SLC14A2: variants seen among roughly 807,000 people sequenced by gnomAD.
SLC14A2 encodes solute carrier family 14 member 2.
SLC14A2 carries 91 observed loss-of-function variants against 104.6 expected under a neutral mutation model. The observed-to-expected ratio is 0.87, with a 90% confidence interval of 0.73 to 1.04. The LOEUF is 1.04. Ranked by LOEUF, SLC14A2 falls within the 50% of genes least tolerant of loss-of-function variation. The pLI is 0.00. For synonymous variants in SLC14A2, 476 were observed against 466.4 expected (o/e 1.02, Z -0.27); for missense variants, 1,189 against 1,156.0 (o/e 1.03, Z -0.41).
chr18:45,485,445 TG>T (rs1230396994), intron 2 of SLC14A2: 1 of 152,186 alleles, frequency 6.6e-6, no homozygotes, highest in Non-Finnish European at 1.5e-5. Flanking sequence ...TAATTGCACC[TG>T]GGTTGGTGAG....
At chr18:45,306,677 C>T (rs1395192264) in intron 1 of SLC14A2, among the ~76,000 whole-genome samples, 1 of 152,174 alleles carries the variant, frequency 6.6e-6, no homozygotes, top group Non-Finnish European at 1.5e-5. Context: ...TAGAAGAGTC[C>T]AGAGCCGAGG....
chr18:45,346,935 C>A (rs1052769189), intron 1 of SLC14A2, among the ~76,000 whole-genome samples: 2 of 151,020 alleles, frequency 1.3e-5, no homozygotes, highest in African/African-American at 4.9e-5. Flanking sequence ...GCACTGCACT[C>A]CAGCCTGGGC....
At chr18:45,432,896 A>G (rs2086539212) in intron 1 of SLC14A2, among the ~76,000 whole-genome samples, 1 of 152,186 alleles carries the variant, frequency 6.6e-6, no homozygotes, top group Admixed American at 6.6e-5. Flanking sequence ...TCCATGTATT[A>G]GCAAATCCTT....
chr18:45,513,998 T>C (rs1460935621), intron 2 of SLC14A2, among the ~76,000 whole-genome samples: 3 of 152,202 alleles, frequency 2.0e-5, no homozygotes, highest in Non-Finnish European at 4.4e-5. Context: ...CCTTTCTAAC[T>C]TACAGTTGCT....
intron 1 of SLC14A2, among the ~76,000 whole-genome samples, chr18:45,337,392 G>T (rs1398337574): frequency 6.6e-6 from 1 of 152,206 alleles, no homozygotes; most frequent in Non-Finnish European, 1.5e-5. Context: ...TTACCAAGTA[G>T]TTAGCCCTCC....
At chr18:45,328,988 G>A (rs72906677) in intron 1 of SLC14A2, among the ~76,000 whole-genome samples, 2,931 of 152,242 alleles carry the variant, frequency 0.019, 57 homozygotes, top group East Asian at 0.092. Context: ...TGTTTCCAAA[G>A]CCGACCAGCA....
intron 10 of SLC14A2, among the ~76,000 whole-genome samples, chr18:45,653,573 C>T (rs955036013): frequency 6.6e-6 from 1 of 152,120 alleles, no homozygotes; most frequent in South Asian, 2.1e-4. Context: ...TCCCCAAACT[C>T]CAGGCCCCCA....
the SLC14A2 span, among the ~76,000 whole-genome samples, chr18:45,173,512 T>G: frequency 6.6e-6 from 1 of 150,498 alleles, no homozygotes. Flanking sequence ...AAAAACTTAC[T>G]GGATGGAAGT....
chr18:45,487,109 A>G (rs2087621679), intron 2 of SLC14A2, among the ~76,000 whole-genome samples: 1 of 152,228 alleles, frequency 6.6e-6, no homozygotes, highest in Non-Finnish European at 1.5e-5. Context: ...CAAGGGTCAC[A>G]CTGGACTAAA....
chr18:45,331,154 G>A (rs988048823), intron 1 of SLC14A2, among the ~76,000 whole-genome samples: 2 of 152,118 alleles, frequency 1.3e-5, no homozygotes, highest in African/African-American at 4.8e-5. Flanking sequence ...GTACTGCATC[G>A]ATGTTCAGGC....
At chr18:45,623,365 TAA>T (rs1168506834) in intron 1 of SLC14A2, among the ~76,000 whole-genome samples, 2 of 152,202 alleles carry the variant, frequency 1.3e-5, no homozygotes, top group African/African-American at 4.8e-5. Context: ...CGAAGCTGCT[TAA>T]AGTTACTGGA....
intron 2 of SLC14A2, among the ~76,000 whole-genome samples, chr18:45,534,325 G>T (rs879446702): frequency 1.3e-5 from 2 of 152,050 alleles, no homozygotes; most frequent in African/African-American, 2.4e-5. Flanking sequence ...AACACACAAA[G>T]ACTAACTCTC....
chr18:45,437,525 T>C (rs552482034), intron 1 of SLC14A2, among the ~76,000 whole-genome samples: 2 of 152,222 alleles, frequency 1.3e-5, no homozygotes, highest in Admixed American at 1.3e-4. Flanking sequence ...GAGTGGCCCA[T>C]CCGCTCCAGC....
At chr18:45,338,257 G>C (rs1213475317) in intron 1 of SLC14A2, among the ~76,000 whole-genome samples, 1 of 152,086 alleles carries the variant, frequency 6.6e-6, no homozygotes, top group African/African-American at 2.4e-5. Context: ...CTGGAGTGCA[G>C]TGTCGTGATC....
intron 1 of SLC14A2, among the ~76,000 whole-genome samples, chr18:45,389,309 A>G (rs1346663167): frequency 1.3e-5 from 2 of 152,332 alleles, no homozygotes; most frequent in Non-Finnish European, 2.9e-5. Context: ...TAATTTCTCT[A>G]TCTCATAAAT....
chr18:45,576,004 G>T (rs2044413709), intron 2 of SLC14A2, among the ~76,000 whole-genome samples: 1 of 152,066 alleles, frequency 6.6e-6, no homozygotes, highest in Non-Finnish European at 1.5e-5. Flanking sequence ...CAAATTTTAA[G>T]AATTAAATGA....
chr18:45,516,868 T>C (rs2043448943), intron 2 of SLC14A2, among the ~76,000 whole-genome samples: 2 of 152,234 alleles, frequency 1.3e-5, no homozygotes, highest in African/African-American at 4.8e-5. Context: ...CACACTGCTC[T>C]GTGAAGAAAT....
the SLC14A2 span, among the ~76,000 whole-genome samples, chr18:45,179,416 T>C: frequency 2.0e-5 from 3 of 152,188 alleles, no homozygotes. Context: ...GAACATGCCT[T>C]CAGAGTCTCA....
chr18:45,605,114 G>A (rs1478350117), intron 2 of SLC14A2, among the ~76,000 whole-genome samples: 3 of 152,092 alleles, frequency 2.0e-5, no homozygotes, highest in African/African-American at 7.2e-5. Flanking sequence ...CTGGCTCCAG[G>A]GCCTGCATGA....
Sources: allele counts gnomAD v4.1 joint callset (sites outside exome capture counted in the v4.1 genomes callset), GRCh38; gene constraint gnomAD v4.1.1; transcripts MANE v1.5; gene names NCBI Gene and HGNC (gene_info 2026-07-23, HGNC 2026-07-21).